Variants in TSHZ2 observed in about 807,000 individuals in gnomAD.
TSHZ2 encodes the protein teashirt zinc finger homeobox 2.
In TSHZ2, 21 loss-of-function variants were observed where a neutral mutation model predicts 74.4. The ratio of observed to expected loss-of-function variants is 0.28; its 90% CI spans 0.20 to 0.41. TSHZ2 has a LOEUF of 0.41. TSHZ2 is among the 10% of genes least tolerant of loss of function. The pLI is 1.00. For synonymous variants in TSHZ2, 540 were observed against 515.3 expected (o/e 1.05, Z -0.65); for missense variants, 1,244 against 1,293.5 (o/e 0.96, Z 0.59).
At position 53,094,624 on chromosome 20, in the gene TSHZ2, C is replaced by T. The variant is rs117679177; in HGVS notation, c.40+121291C>T. ...CGGTGCAGTACATCTGCCTGGCGTA[C>T]TCTTGCTAACCTTCCACACAGCGTG... On this transcript the variant is annotated intron_variant, in intron 1 of 2. Coordinates refer to ENST00000371497, the MANE Select transcript of TSHZ2 (RefSeq NM_173485.6). 4.4e-4 allele frequency among the ~76,000 whole-genome samples: 67 copies of T among 152,330 alleles called. No homozygotes were observed. The East Asian group carries it at 0.011, about 25-fold the overall frequency.
intron 2 of TSHZ2, among the ~76,000 whole-genome samples, chr20:53,406,290 C>T (rs942941272): frequency 6.6e-6 from 1 of 152,158 alleles, no homozygotes; most frequent in Admixed American, 6.5e-5. Context: ...GTAGACTCTC[C>T]GGGCTGCCAA....
Position 53,008,980 on chromosome 20 carries a change from C to CCTCTCTCTCT in TSHZ2, c.40+35689_40+35698dup, listed in dbSNP as rs55692015. Among the ~76,000 whole-genome samples, 259 of 130,476 alleles carry CCTCTCTCTCT rather than the reference C, an allele frequency of 2.0e-3. 2 individuals are homozygous for CCTCTCTCTCT. Among genetic ancestry groups the CCTCTCTCTCT allele is most frequent in the African/African-American group, 5.1e-3 (163 of 31,868 alleles). 85.6% of individuals were successfully genotyped at this position (130,476 alleles called of 152,430 possible). ...GAAGTTATTTGAATGTTGTCTTTCT[C>CCTCTCTCTCT]CTCTCTCTCTCTCTCTCTCTCTCTC... On this transcript the variant is annotated intron_variant, in intron 1 of 2. Transcript: ENST00000371497.
Position 53,253,990 on chromosome 20 carries a change from C to G in TSHZ2, c.532C>G (p.Gln178Glu). ...CCAAGACGCTCTGTCCAAAAGCCTG[C>G]AGCAGAACTTGCCTTCTCGGTCCGT... Reference protein sequence around the residue: ...WHQDALSKSLQQNLPSRSVSK... With the variant: ...WHQDALSKSLEQNLPSRSVSK... The change falls in exon 2 of 3, where the codon CAG becomes GAG. Residue 178 changes from glutamine to glutamate, a missense_variant. By Grantham distance (29) the Gln-to-Glu change is conservative (BLOSUM62 2). This residue lies in a region of TSHZ2 where 470 missense variants were observed against 456.5 expected (regional missense o/e 1.03). Transcript: ENST00000371497. The G allele has an allele frequency of 6.2e-7, 1 of 1,614,160 alleles. No individual in the cohort carries two copies. Among genetic ancestry groups the G allele is most frequent in the African/African-American group, 1.3e-5 (1 of 75,028 alleles).
intron 2 of TSHZ2, among the ~76,000 whole-genome samples, chr20:53,439,863 A>G (rs1194718494): frequency 6.6e-6 from 1 of 152,258 alleles, no homozygotes; most frequent in Non-Finnish European, 1.5e-5. Flanking sequence ...ACATGAATAC[A>G]TAACAGTGCC....
chr20:53,415,816 ACACACG>A (rs1362064216), intron 2 of TSHZ2, among the ~76,000 whole-genome samples: 7 of 73,280 alleles, frequency 9.6e-5, no homozygotes, highest in African/African-American at 2.3e-4. Flanking sequence ...ACACACACAC[ACACACG>A]CACACACAGG....
intron 2 of TSHZ2, among the ~76,000 whole-genome samples, chr20:53,450,891 C>G (rs1430324386): frequency 7.6e-6 from 1 of 132,154 alleles, no homozygotes; most frequent in Admixed American, 7.4e-5. Context: ...CAAGTAGTGG[C>G]TTTAAGGATT....
At chr20:53,012,214 G>A (rs918092489) in intron 1 of TSHZ2, among the ~76,000 whole-genome samples, 5 of 152,154 alleles carry the variant, frequency 3.3e-5, no homozygotes, top group Admixed American at 3.3e-4. Context: ...TTACCAGCGA[G>A]GTCACTTTGA....
intron 2 of TSHZ2, among the ~76,000 whole-genome samples, chr20:53,288,136 C>A (rs911223798): frequency 6.6e-6 from 1 of 152,084 alleles, no homozygotes; most frequent in Non-Finnish European, 1.5e-5. Context: ...TGCAGTGGCT[C>A]ACACCTGTAA....
At chr20:53,119,044 A>T (rs938608578) in intron 1 of TSHZ2, among the ~76,000 whole-genome samples, 11 of 152,006 alleles carry the variant, frequency 7.2e-5, no homozygotes, top group African/African-American at 2.7e-4. Flanking sequence ...CTCCAAGGGG[A>T]TGGAGCTAAA....
At chr20:53,049,020 T>A (rs1294542918) in intron 1 of TSHZ2, among the ~76,000 whole-genome samples, 1 of 152,234 alleles carries the variant, frequency 6.6e-6, no homozygotes, top group African/African-American at 2.4e-5. Context: ...TTCATGCCTA[T>A]GAAATGGACA....
rs1245658634 is a variant in TSHZ2, at chr20:53,254,830, A to G, written c.1372A>G (p.Thr458Ala). The G allele has an allele frequency of 1.2e-6, 2 of 1,613,986 alleles. No homozygotes were observed. Among genetic ancestry groups the G allele is most frequent in the Non-Finnish European group, 1.7e-6 (2 of 1,179,982 alleles). Residue 458 changes from threonine to alanine, a missense_variant, in exon 2 of 3, where the codon ACT (threonine) becomes GCT (alanine). By Grantham distance (58) the Thr-to-Ala change is moderately conservative (BLOSUM62 0). Transcript: ENST00000371497. The stretch of plus-strand genomic sequence containing the variant: ...AGCATCAGATTGTACAGCCTCTACA[A>G]CTGAGTTAAAGAAAGAGAGTAAAAA... ...NSASDCTAST[T>A]ELKKESKKER...
chr20:52,977,833 G>C (rs1981403983), intron 1 of TSHZ2, among the ~76,000 whole-genome samples: 2 of 152,168 alleles, frequency 1.3e-5, no homozygotes, highest in Non-Finnish European at 2.9e-5. Context: ...GGGAGCAGGG[G>C]CTCCGGGAAA....
At chr20:53,069,866 T>C (rs1293436) in intron 1 of TSHZ2, among the ~76,000 whole-genome samples, 73,713 of 151,982 alleles carry the variant, frequency 0.49, 19,023 homozygotes, top group Admixed American at 0.61. Context: ...TATTGATCTG[T>C]TCTTGCTTAA....
chr20:53,342,021 TA>T (rs1480527833), intron 2 of TSHZ2, among the ~76,000 whole-genome samples: 1 of 152,124 alleles, frequency 6.6e-6, no homozygotes, highest in African/African-American at 2.4e-5. Flanking sequence ...AGAACAATTT[TA>T]AATATACAGA....
chr20:53,111,724 C>T (rs1318465158), intron 1 of TSHZ2, among the ~76,000 whole-genome samples: 3 of 152,158 alleles, frequency 2.0e-5, no homozygotes, highest in African/African-American at 4.8e-5. Flanking sequence ...TTCTCTAACC[C>T]AAGGCCAACT....
At chr20:53,314,051 G>A (rs960199992) in intron 2 of TSHZ2, among the ~76,000 whole-genome samples, 1 of 152,158 alleles carries the variant, frequency 6.6e-6, no homozygotes, top group Admixed American at 6.5e-5. Flanking sequence ...ACTTTGGGAG[G>A]CTGAGGTGGG....
chr20:53,488,909 C>CTTT lies in TSHZ2; in HGVS notation c.*1779_*1781dup. The CTTT allele has an allele frequency of 4.5e-6, 2 of 441,312 alleles. No individual in the cohort carries two copies. Among genetic ancestry groups the CTTT allele is most frequent in the Non-Finnish European group, 9.2e-6 (2 of 218,274 alleles). The allele number at this position is 441,312 out of a possible 1,614,324, so 27.3% of individuals were successfully genotyped here. A position where few individuals can be genotyped will look rare whatever the true frequency, so the allele number is the denominator to read the frequency against. On this transcript the variant is annotated 3_prime_UTR_variant, in exon 3 of 3. Coordinates refer to ENST00000371497, the MANE Select transcript of TSHZ2 (RefSeq NM_173485.6). ...TTATGCCACATATAATAGCAAATTG[C>CTTT]TTTTTTTATGGCATGCATAACCTAG...
chr20:53,469,622 GAGGA>G lies in TSHZ2; in HGVS notation c.*9-17518_*9-17515del, dbSNP rs1170995338. Among the ~76,000 whole-genome samples, 151 of 104,450 alleles carry G rather than the reference GAGGA, an allele frequency of 1.4e-3. 18 individuals carry two copies. Among genetic ancestry groups the G allele is most frequent in the African/African-American group, 6.0e-3 (146 of 24,416 alleles). 68.5% of individuals were successfully genotyped at this position (104,450 alleles called of 152,430 possible). On this transcript the variant is annotated intron_variant, in intron 2 of 2. Transcript: ENST00000371497. ...GACCCAAGAAAGATAGATAGAGAGG[GAGGA>G]AGGGAGGGAGGAAGGAAGGAAGGAA...
At chr20:53,195,590 T>C (rs528215548) in intron 1 of TSHZ2, among the ~76,000 whole-genome samples, 7 of 152,296 alleles carry the variant, frequency 4.6e-5, no homozygotes, top group South Asian at 4.1e-4. Flanking sequence ...TTAGCACTTA[T>C]TTAGTCTTCA....
Sources: gnomAD v4.1 joint callset for allele counts (sites outside exome capture counted in the v4.1 genomes callset) on GRCh38, gnomAD v4.1.1 for gene constraint, gnomAD v4.1.1 regional missense constraint, MANE v1.5 for transcripts, NCBI Gene and HGNC (gene_info 2026-07-23, HGNC 2026-07-21) for gene names.